RAB28: variants seen among roughly 807,000 people sequenced by gnomAD.
RAB28 encodes RAB28, member RAS oncogene family.
A neutral mutation model predicts 31.7 loss-of-function variants in RAB28; 24 were observed. The ratio of observed to expected loss-of-function variants is 0.76; its 90% CI spans 0.55 to 1.06. The LOEUF (loss-of-function observed/expected upper bound fraction) is 1.06, where lower values mean the gene tolerates loss of function less well. Ranked by LOEUF, RAB28 falls within the 50% of genes least tolerant of loss-of-function variation. The pLI is 0.00. For synonymous variants in RAB28, 100 were observed against 90.4 expected (o/e 1.11, Z -0.60); for missense variants, 254 against 258.5 (o/e 0.98, Z 0.12).
At chr4:13,373,560 A>T (rs1728800237) in intron 6 of RAB28, among the ~76,000 whole-genome samples, 1 of 152,128 alleles carries the variant, frequency 6.6e-6, no homozygotes, top group South Asian at 2.1e-4. Flanking sequence ...CATTACACAG[A>T]CCCTCAAAAT....
At chr4:13,483,478 T>C (rs898584064) in intron 1 of RAB28, among the ~76,000 whole-genome samples, 1 of 152,240 alleles carries the variant, frequency 6.6e-6, no homozygotes, top group African/African-American at 2.4e-5. Flanking sequence ...GAGTGGACAC[T>C]GTGCTCTAAA....
In RAB28 at chr4:13,415,650, C is replaced by G. The variant is rs551645581; in HGVS notation, c.392-34056G>C. Among the ~76,000 whole-genome samples, 3 of 152,254 alleles carry G rather than the reference C, an allele frequency of 2.0e-5. No individual in the cohort carries two copies. The South Asian group carries it at 6.2e-4, about 32-fold the overall frequency. On this transcript the variant is annotated intron_variant, in intron 4 of 6. Coordinates refer to ENST00000330852, the MANE Select transcript of RAB28 (RefSeq NM_001017979.3). ...TGCAGCCCGCCATGCCTGAGCCTCC[C>G]CCGCCCCCTCCAACCACGCCACCCT...
intron 4 of RAB28, among the ~76,000 whole-genome samples, chr4:13,391,662 C>A (rs1729634303): frequency 6.6e-6 from 1 of 152,146 alleles, no homozygotes; most frequent in Non-Finnish European, 1.5e-5. Flanking sequence ...ACCCAAATGT[C>A]CATCAATGAT....
intron 4 of RAB28, among the ~76,000 whole-genome samples, chr4:13,419,302 G>A (rs1333810077): frequency 6.6e-6 from 1 of 152,118 alleles, no homozygotes; most frequent in Admixed American, 6.6e-5. Flanking sequence ...ATAATAATGG[G>A]AGACTTTAAC....
At chr4:13,468,177 T>C (rs1715955385) in intron 3 of RAB28, among the ~76,000 whole-genome samples, 1 of 151,974 alleles carries the variant, frequency 6.6e-6, no homozygotes, top group African/African-American at 2.4e-5. Context: ...TGAAGACTTT[T>C]TTCATTAAGC....
intron 6 of RAB28, chr4:13,370,569 G>A: frequency 1.0e-6 from 1 of 952,482 alleles, no homozygotes; most frequent in South Asian, 4.9e-5. Context: ...AGAGGAAGGA[G>A]TAATTAATTA....
Position 13,479,448 on chromosome 4 carries a change from T to G in RAB28, c.154A>C (p.Arg52=). The G allele has an allele frequency of 6.2e-7, 1 of 1,604,520 alleles. No individual in the cohort carries two copies. The highest frequency in any genetic ancestry group is 8.5e-7 in the Non-Finnish European group (1 of 1,172,846). The change falls in exon 2 of 7, where the codon AGA becomes CGA. Residue 52 remains arginine (R), a synonymous_variant. Transcript: ENST00000330852. ...CTCTTACCTGGCAATGTTATCCTTC[T>G]CAAAAAGAAATCCAGTCCTATAGTT... ...KQTIGLDFFL[R]RITLPGNLNV... is the part of the protein sequence containing the mutation.
At position 13,452,618 on chromosome 4, in the gene RAB28, T is replaced by A. The variant is rs142750194; in HGVS notation, c.391+8081A>T. 2.4e-3 allele frequency among the ~76,000 whole-genome samples: 364 copies of A among 152,222 alleles called. 1 individual carries two copies. Among genetic ancestry groups the A allele is most frequent in the Non-Finnish European group, 3.6e-3 (244 of 67,920 alleles). On this transcript the variant is annotated intron_variant, in intron 4 of 6. Transcript: ENST00000330852. ...TGGTTTCTAGTTTTATTCCATATAG[T>A]CAGATAAGATACTTGATATGATTTC... is the stretch of plus-strand genomic sequence containing the variant.
chr4:13,430,119 T>C (rs201895200), intron 4 of RAB28, among the ~76,000 whole-genome samples: 5 of 152,092 alleles, frequency 3.3e-5, no homozygotes, highest in East Asian at 3.9e-4. Flanking sequence ...GCTAAGAAAA[T>C]AGGATATCTG....
chr4:13,478,998 T>A (rs764273726), intron 2 of RAB28, among the ~76,000 whole-genome samples: 1 of 151,646 alleles, frequency 6.6e-6, no homozygotes, highest in African/African-American at 2.4e-5. Flanking sequence ...AGAAGTTCCA[T>A]AGCTACATTA....
At chr4:13,420,951 G>A (rs1278580681) in intron 4 of RAB28, among the ~76,000 whole-genome samples, 1 of 152,184 alleles carries the variant, frequency 6.6e-6, no homozygotes, top group African/African-American at 2.4e-5. Flanking sequence ...ATTAGGAAAA[G>A]AGGAGGTCAA....
At chr4:13,458,549 A>T (rs73819875) in intron 4 of RAB28, among the ~76,000 whole-genome samples, 8,511 of 152,134 alleles carry the variant, frequency 0.056, 544 homozygotes, top group African/African-American at 0.16. Flanking sequence ...ATCTGAAATC[A>T]TTTTCTCTTT....
At chr4:13,436,459 A>C (rs1478497115) in intron 4 of RAB28, among the ~76,000 whole-genome samples, 1 of 152,174 alleles carries the variant, frequency 6.6e-6, no homozygotes, top group Admixed American at 6.5e-5. Flanking sequence ...AGAAAACCCT[A>C]AAGATGCCTC....
At chr4:13,433,147 A>G (rs952395488) in intron 4 of RAB28, among the ~76,000 whole-genome samples, 2 of 151,766 alleles carry the variant, frequency 1.3e-5, no homozygotes, top group Non-Finnish European at 2.9e-5. Flanking sequence ...AGAAAAAAAA[A>G]AAAGAAAAAA....
chr4:13,479,802 T>A (rs1173719020), intron 1 of RAB28, among the ~76,000 whole-genome samples: 1 of 151,356 alleles, frequency 6.6e-6, no homozygotes, highest in Non-Finnish European at 1.5e-5. Context: ...AATTAGAATT[T>A]GAGAGTTATC....
At chr4:13,435,805 G>A (rs1714065647) in intron 4 of RAB28, among the ~76,000 whole-genome samples, 1 of 152,162 alleles carries the variant, frequency 6.6e-6, no homozygotes, top group South Asian at 2.1e-4. Context: ...ACAAAGAAGA[G>A]CTGGTACCAA....
rs764474764 is a variant in RAB28 at position 13,381,550 on chromosome 4, G to GT, written c.435dup (p.Arg146ThrfsTer9). On this transcript the variant is annotated frameshift_variant, in exon 5 of 7. Transcript: ENST00000330852. LOFTEE classifies it high-confidence loss of function. ...CTAAAACCATTTTCCTGGCAAAACCGTAAGTGTTTTTCAGGTTTTATTGTT... is the reference window on the plus strand; with the variant it reads ...CTAAAACCATTTTCCTGGCAAAACCGTTAAGTGTTTTTCAGGTTTTATTGTT... 5 of 1,613,130 alleles carry GT rather than the reference G, an allele frequency of 3.1e-6. No homozygotes were observed. The highest frequency in any genetic ancestry group is 4.2e-6 in the Non-Finnish European group (5 of 1,179,490).
At chr4:13,369,355 T>C (rs1728629750) in intron 6 of RAB28, among the ~76,000 whole-genome samples, 2 of 152,094 alleles carry the variant, frequency 1.3e-5, no homozygotes, top group Admixed American at 1.3e-4. Context: ...TCTTCCCTCC[T>C]TCCCTCTAAC....
intron 4 of RAB28, among the ~76,000 whole-genome samples, chr4:13,396,631 T>G (rs1347208450): frequency 6.6e-6 from 1 of 152,102 alleles, no homozygotes; most frequent in Non-Finnish European, 1.5e-5. Flanking sequence ...AAAAAAGTTC[T>G]CATCAGAGAA....
Sources: allele counts gnomAD v4.1 joint callset (sites outside exome capture counted in the v4.1 genomes callset), GRCh38; gene constraint gnomAD v4.1.1; transcripts MANE v1.5; gene names NCBI Gene and HGNC (gene_info 2026-07-23, HGNC 2026-07-21).